Variants in TTC39B observed in about 807,000 individuals in gnomAD.
The protein encoded by TTC39B is tetratricopeptide repeat domain 39B.
Under a neutral mutation model 96.6 loss-of-function variants are expected in TTC39B, and 92 were observed. That is an observed-to-expected ratio of 0.95 (90% CI 0.80 to 1.13). The LOEUF (loss-of-function observed/expected upper bound fraction) is 1.13, where lower values mean the gene tolerates loss of function less well. Among genes scored for constraint, TTC39B ranks in the 50% most tolerant of loss-of-function variants. The pLI, the probability that TTC39B is intolerant of heterozygous loss-of-function variation, is 0.00. For missense variants in TTC39B, 955 were observed against 809.3 expected (o/e 1.18, Z -2.18); for synonymous variants, 367 against 299.4 (o/e 1.23, Z -2.33).
chr9:15,208,609 C>T (rs963881226), intron 6 of TTC39B, among the ~76,000 whole-genome samples: 4 of 152,158 alleles, frequency 2.6e-5, no homozygotes, highest in Non-Finnish European at 5.9e-5. Flanking sequence ...AATATGCAGA[C>T]ACATTCTATC....
exon 20 of TTC39B, chr9:15,172,022 A>T (rs1009298904): frequency 1.2e-6 from 2 of 1,611,394 alleles, no homozygotes; most frequent in Middle Eastern, 3.3e-4. Context: ...GTTCTGATCA[A>T]TCTGAGGAAG....
At chr9:15,192,767 C>T (rs1241744837) in intron 8 of TTC39B, 72 bp from the exon 9 acceptor site, 3 of 991,424 alleles carry the variant, frequency 3.0e-6, no homozygotes, top group African/African-American at 1.6e-5. Context: ...TCAAATTTTA[C>T]ACTTATGTGC....
intron 2 of TTC39B, among the ~76,000 whole-genome samples, chr9:15,264,355 A>G (rs952127870): frequency 1.1e-4 from 16 of 152,144 alleles, no homozygotes; most frequent in Non-Finnish European, 5.9e-5. Flanking sequence ...CAGGAGGAAA[A>G]AAAATGGGTA....
At chr9:15,200,096 T>G (rs918523599) in intron 7 of TTC39B, among the ~76,000 whole-genome samples, 171 bp from the exon 8 acceptor site, 1 of 152,208 alleles carries the variant, frequency 6.6e-6, no homozygotes, top group Non-Finnish European at 1.5e-5. Flanking sequence ...TAAAAGTTTT[T>G]GGGGTAATTT....
intron 3 of TTC39B, among the ~76,000 whole-genome samples, chr9:15,215,855 C>T (rs188899240): frequency 3.9e-5 from 6 of 152,110 alleles, no homozygotes; most frequent in South Asian, 4.2e-4. Context: ...CAGAACGAGA[C>T]GCTATCTCAA....
chr9:15,187,671 G>A (rs1311746487), intron 14 of TTC39B, among the ~76,000 whole-genome samples: 1 of 152,186 alleles, frequency 6.6e-6, no homozygotes, highest in Non-Finnish European at 1.5e-5. Context: ...TGTTGCCCTG[G>A]CTAGTATCAA....
chr9:15,185,360 T>C (rs1325850670), exon 16 of TTC39B: 5 of 1,613,852 alleles, frequency 3.1e-6, no homozygotes, highest in African/African-American at 1.3e-5. Context: ...AACTTCTCAG[T>C]AGGGATAGAT....
At chr9:15,303,824 T>C (rs10435728) in intron 1 of TTC39B, among the ~76,000 whole-genome samples, 58,677 of 151,692 alleles carry the variant, frequency 0.39, 12,273 homozygotes, top group African/African-American at 0.56. Flanking sequence ...TAGTAGAGAC[T>C]GGGTGTCACC....
At chr9:15,280,371 A>G (rs552426314) in intron 1 of TTC39B, among the ~76,000 whole-genome samples, 13 of 152,358 alleles carry the variant, frequency 8.5e-5, no homozygotes, top group African/African-American at 2.4e-4. Context: ...ACGTTTGCGC[A>G]ATGAATGAAA....
intron 2 of TTC39B, among the ~76,000 whole-genome samples, chr9:15,235,368 A>G (rs1025337037): frequency 6.6e-6 from 1 of 152,232 alleles, no homozygotes; most frequent in African/African-American, 2.4e-5. Flanking sequence ...AAGAAGAAAA[A>G]GTAAGCAACC....
intron 1 of TTC39B, among the ~76,000 whole-genome samples, chr9:15,303,439 G>C (rs567736369): frequency 1.3e-5 from 2 of 149,788 alleles, no homozygotes; most frequent in Admixed American, 6.7e-5. Context: ...GGCATGATCA[G>C]AGTTCACTGC....
exon 20 of TTC39B, chr9:15,164,160 A>G (rs1817478598): frequency 6.6e-6 from 1 of 152,216 alleles, no homozygotes; most frequent in Non-Finnish European, 1.5e-5. Flanking sequence ...GAACTCACAC[A>G]TATTCAGTTT....
At chr9:15,227,127 T>C (rs1821166008) in intron 2 of TTC39B, among the ~76,000 whole-genome samples, 1 of 152,046 alleles carries the variant, frequency 6.6e-6, no homozygotes, top group African/African-American at 2.4e-5. Flanking sequence ...GCCAACATGG[T>C]GAAACTCCGT....
intron 2 of TTC39B, among the ~76,000 whole-genome samples, chr9:15,240,677 A>T (rs976246322): frequency 6.6e-6 from 1 of 152,228 alleles, no homozygotes; most frequent in African/African-American, 2.4e-5. Context: ...ATAGTTATCT[A>T]AGAAATATGC....
chr9:15,285,019 T>G (rs1336542485), intron 1 of TTC39B, among the ~76,000 whole-genome samples: 1 of 152,040 alleles, frequency 6.6e-6, no homozygotes, highest in African/African-American at 2.4e-5. Context: ...CCCAGCACTT[T>G]GGGAGGCCGA....
intron 8 of TTC39B, among the ~76,000 whole-genome samples, chr9:15,194,988 A>G (rs1340058229): frequency 1.3e-5 from 2 of 152,230 alleles, no homozygotes; most frequent in Non-Finnish European, 2.9e-5. Context: ...CGCACCTCTC[A>G]TTTGAAATCA....
At chr9:15,294,598 G>C (rs540885) in intron 1 of TTC39B, among the ~76,000 whole-genome samples, 10 of 152,128 alleles carry the variant, frequency 6.6e-5, no homozygotes, top group African/African-American at 2.4e-4. Context: ...CCTGTTTACT[G>C]CTCTCTTTTG....
Position 15,187,969 on chromosome 9 carries a change from A to G in TTC39B, c.1395+2T>C. On this transcript the variant is annotated splice_donor_variant, in intron 14 of 19. Coordinates refer to ENST00000512701, the Ensembl canonical transcript of TTC39B. LOFTEE classifies it high-confidence loss of function. ...GACATTAATGAAAGTATTGCACTTT[A>G]CCTTGGACCATTTACTCTCTTTGCA... 2 of 1,582,444 alleles carry G rather than the reference A, an allele frequency of 1.3e-6. No homozygotes were observed. The highest frequency in any genetic ancestry group is 1.7e-6 in the Non-Finnish European group (2 of 1,167,338).
At chr9:15,224,668 A>G (rs1032309661) in intron 3 of TTC39B, among the ~76,000 whole-genome samples, 2 of 152,246 alleles carry the variant, frequency 1.3e-5, no homozygotes, top group Non-Finnish European at 2.9e-5. Flanking sequence ...ACTCAGCATT[A>G]TAAATGTTGA....
Sources: gnomAD v4.1 joint callset for allele counts (sites outside exome capture counted in the v4.1 genomes callset) on GRCh38, gnomAD v4.1.1 for gene constraint, MANE v1.5 for transcripts, NCBI Gene and HGNC (gene_info 2026-07-23, HGNC 2026-07-21) for gene names.